Variants in TAC1 observed in about 807,000 individuals in gnomAD.
TAC1 encodes protachykinin-1.
A neutral mutation model predicts 21.7 loss-of-function variants in TAC1; 12 were observed. The observed-to-expected ratio is 0.55, with a 90% CI of 0.35 to 0.89. TAC1 has a LOEUF of 0.89. TAC1 is among the 40% of genes least tolerant of loss of function. The pLI is 0.01. For synonymous variants in TAC1, 52 were observed against 52.0 expected, an observed-to-expected ratio of 1.00 and a Z score of 0.00; for missense variants, 128 against 151.4, an observed-to-expected ratio of 0.85 and a Z score of 0.81.
chr7:97,734,864 A>G lies in TAC1; in HGVS notation c.289+15A>G, dbSNP rs1231797909. ...CTCTCACAAAAGTAAGTTCAAAATT[A>G]TTTTGACATTTATCAAATTTAAATG... On this transcript the variant is annotated intron_variant, in intron 5 of 6. Coordinates refer to ENST00000319273, the MANE Select transcript of TAC1 (RefSeq NM_003182.3). 6.4e-7 allele frequency: 1 copy of G among 1,562,946 alleles called. No individual in the cohort carries two copies. Among genetic ancestry groups the G allele is most frequent in the South Asian group, 1.1e-5 (1 of 87,776 alleles).
Position 97,740,167 on chromosome 7 carries a change from A to G in TAC1, c.*247A>G. The stretch of plus-strand genomic sequence containing the variant: ...CTCAACAAAGCACAGTGTTAAATGA[A>G]ATTGTAAAACCTGTCAATGATACAG... On this transcript the variant is annotated 3_prime_UTR_variant, in exon 7 of 7. Transcript: ENST00000319273. The G allele has an allele frequency of 3.4e-6, 1 of 292,896 alleles. No homozygotes were observed. The highest frequency in any genetic ancestry group is 6.3e-6 in the Non-Finnish European group (1 of 158,216). The allele number at this position is 292,896 out of a possible 1,614,324, so 18.1% of individuals were successfully genotyped here.
intron 6 of TAC1, among the ~76,000 whole-genome samples, chr7:97,738,000 T>C (rs939453264): frequency 1.3e-5 from 2 of 152,016 alleles, no homozygotes; most frequent in Admixed American, 6.6e-5. Context: ...ACAGATTAAA[T>C]ACAATTAAAT....
chr7:97,737,727 C>T (rs563957093), intron 6 of TAC1, among the ~76,000 whole-genome samples: 4 of 151,808 alleles, frequency 2.6e-5, no homozygotes, highest in South Asian at 2.1e-4. Flanking sequence ...TTTGGGCTGC[C>T]GAAGTGTAAA....
intron 4 of TAC1, among the ~76,000 whole-genome samples, chr7:97,734,499 C>G (rs1187958504): frequency 6.7e-6 from 1 of 150,244 alleles, no homozygotes; most frequent in Non-Finnish European, 1.5e-5. Context: ...CTCTCTCTCT[C>G]TCTTTCTCTC....
intron 5 of TAC1, among the ~76,000 whole-genome samples, chr7:97,735,065 A>G (rs1048916623): frequency 1.3e-5 from 2 of 152,138 alleles, no homozygotes; most frequent in African/African-American, 4.8e-5. Context: ...AAAAAAGAAA[A>G]AAATGTCTTT....
chr7:97,733,685 T>G, intron 2 of TAC1, 38 bp from the exon 3 acceptor site: 3 of 1,607,460 alleles, frequency 1.9e-6, no homozygotes, highest in Non-Finnish European at 2.6e-6. Flanking sequence ...TCGCTCTGGT[T>G]GCCTTACACG....
chr7:97,734,087 T>C, intron 3 of TAC1, 161 bp from the exon 4 acceptor site: 1 of 736,016 alleles, frequency 1.4e-6, no homozygotes, highest in Non-Finnish European at 2.2e-6. Flanking sequence ...GGCACGGGCC[T>C]CCAGGGGTAG....
intron 3 of TAC1, 136 bp downstream of exon 3, chr7:97,733,955 T>C (rs1789501276): frequency 3.3e-6 from 3 of 914,540 alleles, no homozygotes; most frequent in Admixed American, 4.6e-5. Context: ...AGGCGCGACA[T>C]TGGCCCACAC....
At chr7:97,734,731 A>G (rs1253949976) in intron 4 of TAC1, 95 bp from the exon 5 acceptor site, 13 of 934,520 alleles carry the variant, frequency 1.4e-5, no homozygotes, top group Non-Finnish European at 2.1e-5. Flanking sequence ...AGAAAATGTT[A>G]CATATTTTGA....
At chr7:97,735,367 G>GT (rs1200438564) in intron 5 of TAC1, among the ~76,000 whole-genome samples, 1 of 152,194 alleles carries the variant, frequency 6.6e-6, no homozygotes, top group East Asian at 1.9e-4. Flanking sequence ...TAGAGATGCA[G>GT]TTTTTTAATC....
intron 6 of TAC1, 60 bp from the exon 7 acceptor site, chr7:97,739,814 G>A: frequency 7.8e-7 from 1 of 1,281,802 alleles, no homozygotes; most frequent in East Asian, 2.4e-5. Flanking sequence ...CTGAACTTTA[G>A]TTGTGTAACT....
At position 97,732,735 on chromosome 7, in the gene TAC1, G is replaced by A; in HGVS notation, c.123G>A (p.Lys41=). 6.2e-7 allele frequency: 1 copy of A among 1,613,374 alleles called. No homozygotes were observed. Among genetic ancestry groups the A allele is most frequent in the African/African-American group, 1.3e-5 (1 of 75,044 alleles). ...ACTGGTACGACAGCGACCAGATCAAGGTGAGGCCCCTTCCCAGGACGGCCC... is the reference window on the plus strand; with the variant it reads ...ACTGGTACGACAGCGACCAGATCAAAGTGAGGCCCCTTCCCAGGACGGCCC... ...WSDWYDSDQI[K]EELPEPFEHL... Residue 41 remains lysine, a splice_region_variant and synonymous_variant, in exon 2 of 7, where the codon AAG becomes AAA. Coordinates refer to ENST00000319273, the MANE Select transcript of TAC1 (RefSeq NM_003182.3). This position sits in a 1 kb window ranked among gnomAD's most constrained non-coding sequence, Gnocchi z 6.2.
chr7:97,734,082 G>A (rs1789504277), intron 3 of TAC1, 166 bp from the exon 4 acceptor site: 1 of 709,818 alleles, frequency 1.4e-6, no homozygotes, highest in Non-Finnish European at 2.3e-6. Flanking sequence ...GGGAAGGCAC[G>A]GGCCTCCAGG....
chr7:97,733,787 A>G lies in TAC1; in HGVS notation c.188A>G (p.Gln63Arg). 1 of 1,614,086 alleles carries G rather than the reference A, an allele frequency of 6.2e-7. No individual in the cohort carries two copies. The highest frequency in any genetic ancestry group is 8.5e-7 in the Non-Finnish European group (1 of 1,180,006). ...ATCGCCCGGAGACCCAAGCCTCAGC[A>G]GTTCTTTGGATTAATGGGCAAACGG... ...QRIARRPKPQQFFGLMGKRDA... is the reference protein window; with the variant it reads ...QRIARRPKPQRFFGLMGKRDA... The change falls in exon 3 of 7, where the codon CAG (glutamine) becomes CGG (arginine). Residue 63 changes from glutamine to arginine, a missense_variant. Gln to Arg is a conservative substitution (Grantham distance 43). Transcript: ENST00000319273.
chr7:97,737,626 G>A (rs182351694), intron 6 of TAC1, among the ~76,000 whole-genome samples: 3 of 151,982 alleles, frequency 2.0e-5, no homozygotes, highest in African/African-American at 7.2e-5. Context: ...GGAATTTGAA[G>A]TTCTTGGTGA....
rs761439303 is a variant in TAC1, at chr7:97,734,846, A to T, written c.286A>T (p.Lys96Ter). The T allele has an allele frequency of 1.3e-6, 2 of 1,592,880 alleles. No individual in the cohort carries two copies. Among genetic ancestry groups the T allele is most frequent in the Non-Finnish European group, 1.7e-6 (2 of 1,164,164 alleles). The change falls in exon 5 of 7, where the codon AAA becomes TAA. Residue 96 changes from lysine (K) to a stop codon, truncating the protein, a stop_gained. Coordinates refer to ENST00000319273, the MANE Select transcript of TAC1 (RefSeq NM_003182.3). LOFTEE classifies it high-confidence loss of function. ...ALYGHGQISH[K>*]RHKTDSFVGL... ...TCTAGGACATGGCCAGATCTCTCACAAAAGTAAGTTCAAAATTATTTTGAC... is the reference window on the plus strand; with the variant it reads ...TCTAGGACATGGCCAGATCTCTCACTAAAGTAAGTTCAAAATTATTTTGAC...
chr7:97,739,950 C>T lies in TAC1; in HGVS notation c.*30C>T. ...CTACCTAACATTATTTATTCAGCTT[C>T]ATTTGTGTCAATGGGCAATGACAGG... On this transcript the variant is annotated 3_prime_UTR_variant, in exon 7 of 7. Coordinates refer to ENST00000319273, the MANE Select transcript of TAC1 (RefSeq NM_003182.3). 1 of 1,533,120 alleles carries T rather than the reference C, an allele frequency of 6.5e-7. No individual in the cohort carries two copies. Among genetic ancestry groups the T allele is most frequent in the Non-Finnish European group, 8.9e-7 (1 of 1,119,894 alleles). The allele number at this position is 1,533,120 out of a possible 1,614,324, so 95.0% of individuals were successfully genotyped here.
intron 2 of TAC1, among the ~76,000 whole-genome samples, chr7:97,733,356 C>T (rs534088886): frequency 6.6e-6 from 1 of 152,108 alleles, no homozygotes; most frequent in South Asian, 2.1e-4. Flanking sequence ...ATCCCACACA[C>T]CTGTGTGCAT....
chr7:97,734,647 A>C (rs1335251658), intron 4 of TAC1, among the ~76,000 whole-genome samples, 179 bp from the exon 5 acceptor site: 2 of 152,098 alleles, frequency 1.3e-5, no homozygotes, highest in East Asian at 3.9e-4. Context: ...GTTTGTTTAA[A>C]TATTTAGTTT....
Sources: allele counts gnomAD v4.1 joint callset (sites outside exome capture counted in the v4.1 genomes callset), GRCh38; gene constraint gnomAD v4.1.1; non-coding constraint Gnocchi (gnomAD v3.1); transcripts MANE v1.5; gene names NCBI Gene and HGNC (gene_info 2026-07-23, HGNC 2026-07-21).